Variants in HELZ observed in about 807,000 individuals in gnomAD.
HELZ encodes ATP-dependent RNA helicase with zinc finger domain.
A neutral mutation model predicts 218.2 loss-of-function variants in HELZ; 23 were observed. The observed-to-expected ratio is 0.11, with a 90% CI of 0.08 to 0.15. The LOEUF (loss-of-function observed/expected upper bound fraction) is 0.15, where lower values mean the gene tolerates loss of function less well. HELZ is among the 10% of genes least tolerant of loss of function. HELZ has a pLI of 1.00. For synonymous variants in HELZ, 814 were observed against 829.4 expected (o/e 0.98, Z 0.32); for missense variants, 1,813 against 2,353.7 (o/e 0.77, Z 4.75).
intron 13 of HELZ, among the ~76,000 whole-genome samples, chr17:67,173,999 C>T (rs143558064): frequency 0.014 from 2,066 of 152,298 alleles, 53 homozygotes; most frequent in African/African-American, 0.047. Context: ...TAAAATCAAA[C>T]AGATTTCACT....
intron 12 of HELZ, among the ~76,000 whole-genome samples, chr17:67,180,477 C>T (rs924349128): frequency 3.9e-5 from 6 of 152,118 alleles, no homozygotes; most frequent in Admixed American, 3.9e-4. Flanking sequence ...GGCACGGTGG[C>T]TCACGCCTAT....
chr17:67,137,981 C>T lies in HELZ; in HGVS notation c.2903G>A (p.Arg968Gln). ...DQVFRIRAEL[R>Q]KKRLSDVNVE... is the part of the protein sequence containing the mutation. The stretch of plus-strand genomic sequence containing the variant: ...ATTAACATCAGATAATCTCTTTTTT[C>T]GAAGTTCAGCACGTATTCTAAACAC... Residue 968 changes from arginine (R) to glutamine (Q), a missense_variant, in exon 22 of 33, where the codon CGA becomes CAA. Coordinates refer to ENST00000358691, the MANE Select transcript of HELZ (RefSeq NM_014877.4). 1.2e-6 allele frequency: 2 copies of T among 1,611,172 alleles called. No individual in the cohort carries two copies. The highest frequency in any genetic ancestry group is 1.7e-6 in the Non-Finnish European group (2 of 1,178,730).
intron 20 of HELZ, 75 bp downstream of exon 20, chr17:67,148,494 A>G (rs2038577821): frequency 2.4e-6 from 3 of 1,238,114 alleles, no homozygotes; most frequent in Admixed American, 2.1e-5. Flanking sequence ...TGTCCCTAGC[A>G]GCAGTGCTGT....
At chr17:67,124,974 T>C (rs2037736324) in intron 24 of HELZ, among the ~76,000 whole-genome samples, 1 of 151,818 alleles carries the variant, frequency 6.6e-6, no homozygotes, top group Admixed American at 6.6e-5. Flanking sequence ...ACACACAAAT[T>C]TGTAAATTTG....
chr17:67,080,056 C>T (rs563850818), intron 32 of HELZ, among the ~76,000 whole-genome samples: 4 of 87,970 alleles, frequency 4.5e-5, no homozygotes, highest in East Asian at 7.9e-4. Context: ...AGTTTCTATG[C>T]GAAGTCAGAT....
chr17:67,071,841 A>G lies in HELZ; in HGVS notation c.*6411T>C, dbSNP rs1316729873. The G allele has an allele frequency of 1.3e-5, 2 of 152,696 alleles. No individual in the cohort carries two copies. Among genetic ancestry groups the G allele is most frequent in the Non-Finnish European group, 2.9e-5 (2 of 68,026 alleles). 9.5% of individuals were successfully genotyped at this position (152,696 alleles called of 1,614,324 possible). A position where few individuals can be genotyped will look rare whatever the true frequency, so the allele number is the denominator to read the frequency against. The stretch of plus-strand genomic sequence containing the variant: ...CCCCTAGGCTGTTTTGCAAACACAT[A>G]TAGATTTTTTTAAAGGTAGCAAAGT... On this transcript the variant is annotated 3_prime_UTR_variant, in exon 33 of 33. Transcript: ENST00000358691.
intron 23 of HELZ, among the ~76,000 whole-genome samples, chr17:67,130,315 C>A (rs2037938147): frequency 6.6e-6 from 1 of 150,828 alleles, no homozygotes; most frequent in South Asian, 2.1e-4. Context: ...ACCACTTGTA[C>A]CCATAAAGCT....
intron 21 of HELZ, among the ~76,000 whole-genome samples, chr17:67,142,845 C>A (rs1014675517): frequency 6.6e-6 from 1 of 152,162 alleles, no homozygotes; most frequent in African/African-American, 2.4e-5. Context: ...CAACCTCCCC[C>A]TCCCAGGTTC....
At chr17:67,224,278 A>C in intron 3 of HELZ, 1 of 158,510 alleles carries the variant, frequency 6.3e-6, no homozygotes. Context: ...AGGGGGTTGA[A>C]TATACCGCAG....
intron 13 of HELZ, chr17:67,176,528 G>GCTCT (rs1409560361): frequency 1.3e-5 from 2 of 152,172 alleles, no homozygotes; most frequent in Non-Finnish European, 2.9e-5. Context: ...CTGCCAAACA[G>GCTCT]CTCTCCAGAT....
At chr17:67,142,134 G>A (rs541498227) in intron 21 of HELZ, among the ~76,000 whole-genome samples, 1 of 152,038 alleles carries the variant, frequency 6.6e-6, no homozygotes, top group Admixed American at 6.6e-5. Flanking sequence ...AGAAGACACA[G>A]GAGATCAAAA....
intron 13 of HELZ, 137 bp downstream of exon 13, chr17:67,178,522 C>G (rs2039520318): frequency 2.8e-6 from 2 of 707,128 alleles, no homozygotes; most frequent in East Asian, 5.5e-5. Flanking sequence ...CTCATATTTC[C>G]TTTAAAGATA....
At position 67,203,306 on chromosome 17, in the gene HELZ, C is replaced by A. The variant is rs145998789; in HGVS notation, c.372+13G>T. ...TGTTTTCAGGCATACAAAATTAGAGCTTATCAACATACCAGGGACTCTCCT... is the reference window on the plus strand; with the variant it reads ...TGTTTTCAGGCATACAAAATTAGAGATTATCAACATACCAGGGACTCTCCT... On this transcript the variant is annotated intron_variant, in intron 6 of 32. Coordinates refer to ENST00000358691, the MANE Select transcript of HELZ (RefSeq NM_014877.4). The A allele has an allele frequency of 3.1e-6, 5 of 1,612,890 alleles. No homozygotes were observed. In the African/African-American group the frequency reaches 6.7e-5, roughly 22 times the overall value.
rs58858437 is a variant in HELZ at position 67,155,088 on chromosome 17, T to G, written c.2178-3864A>C. ...CAGATATGCAAGAGCTAAAAAACAT[T>G]ACCTCTTACGAACTTTGTCAGAAGG... On this transcript the variant is annotated intron_variant, in intron 17 of 32. Transcript: ENST00000358691. 7.6e-3 allele frequency among the ~76,000 whole-genome samples: 1,151 copies of G among 152,324 alleles called. 11 individuals are homozygous for G. Among genetic ancestry groups the G allele is most frequent in the African/African-American group, 0.026 (1,094 of 41,570 alleles).
chr17:67,131,084 CG>C (rs1440813086), intron 23 of HELZ, among the ~76,000 whole-genome samples: 4 of 152,052 alleles, frequency 2.6e-5, no homozygotes, highest in Non-Finnish European at 5.9e-5. Context: ...GATGGGGTCT[CG>C]CTATGATGCC....
At chr17:67,198,784 A>G (rs532881015) in intron 7 of HELZ, among the ~76,000 whole-genome samples, 1 of 152,346 alleles carries the variant, frequency 6.6e-6, no homozygotes, top group Admixed American at 6.5e-5. Context: ...ATGTGCAATA[A>G]TAAATAAGGG....
At chr17:67,180,616 A>G (rs570552093) in intron 12 of HELZ, among the ~76,000 whole-genome samples, 2 of 152,154 alleles carry the variant, frequency 1.3e-5, no homozygotes, top group African/African-American at 4.8e-5. Context: ...AATGGCTCAA[A>G]CCTGTAATCC....
At chr17:67,231,237 A>G (rs2041027960) in intron 3 of HELZ, among the ~76,000 whole-genome samples, 2 of 152,226 alleles carry the variant, frequency 1.3e-5, no homozygotes, top group Non-Finnish European at 1.5e-5. Context: ...CTGGAACAGA[A>G]AAAGGGTATT....
intron 23 of HELZ, among the ~76,000 whole-genome samples, chr17:67,135,517 GCTAGTCTGCACCGTCCTCAT>G (rs1294606677): frequency 6.6e-6 from 1 of 152,228 alleles, no homozygotes; most frequent in East Asian, 1.9e-4. Context: ...ACAATCACAA[GCTAGTCTGCACCGTCCTCAT>G]CATTCCTAAT....
Sources: allele counts gnomAD v4.1 joint callset (sites outside exome capture counted in the v4.1 genomes callset), GRCh38; gene constraint gnomAD v4.1.1; transcripts MANE v1.5; gene names NCBI Gene and HGNC (gene_info 2026-07-23, HGNC 2026-07-21).